The following SLC6A11 variants were observed in gnomAD, a reference collection of about 807,000 sequenced individuals.
SLC6A11 encodes solute carrier family 6 member 11.
A neutral mutation model predicts 74.8 loss-of-function variants in SLC6A11; 25 were observed. That is an observed-to-expected ratio of 0.33 (90% CI 0.24 to 0.47). The LOEUF (loss-of-function observed/expected upper bound fraction) is 0.47. Among genes scored for constraint, SLC6A11 ranks in the 20% least tolerant of loss-of-function variants. SLC6A11 has a pLI of 1.00. For synonymous variants in SLC6A11, 330 were observed against 330.2 expected, an observed-to-expected ratio of 1.00 and a Z score of 0.01; for missense variants, 574 against 837.0, an observed-to-expected ratio of 0.69 and a Z score of 3.88.
intron 5 of SLC6A11, among the ~76,000 whole-genome samples, chr3:10,846,248 A>G (rs753074218): frequency 1.5e-4 from 23 of 152,236 alleles, no homozygotes; most frequent in Non-Finnish European, 2.8e-4. Flanking sequence ...TCTAAAGATG[A>G]GTAAAACACA....
intron 6 of SLC6A11, among the ~76,000 whole-genome samples, chr3:10,887,376 A>C (rs189051249): frequency 7.4e-4 from 113 of 152,292 alleles, no homozygotes; most frequent in Non-Finnish European, 1.3e-3. Flanking sequence ...AGGAACATAG[A>C]CAATCAGAGA....
At chr3:10,904,195 A>G (rs533179388) in intron 6 of SLC6A11, among the ~76,000 whole-genome samples, 3 of 152,316 alleles carry the variant, frequency 2.0e-5, no homozygotes, top group Admixed American at 6.5e-5. Context: ...GTCCTTGTCC[A>G]TCCATCCTTT....
At chr3:10,861,081 T>C (rs565337975) in intron 5 of SLC6A11, among the ~76,000 whole-genome samples, 1 of 152,334 alleles carries the variant, frequency 6.6e-6, no homozygotes, top group East Asian at 1.9e-4. Flanking sequence ...GGAAGCAGTT[T>C]GGAAATCTGT....
At chr3:10,879,738 G>GT (rs1389090797) in intron 6 of SLC6A11, among the ~76,000 whole-genome samples, 2 of 152,040 alleles carry the variant, frequency 1.3e-5, no homozygotes, top group African/African-American at 2.4e-5. Context: ...CTATATATAT[G>GT]ATATGTATGA....
intron 6 of SLC6A11, among the ~76,000 whole-genome samples, chr3:10,877,577 C>T (rs114928077): frequency 0.013 from 2,049 of 152,288 alleles, 36 homozygotes; most frequent in African/African-American, 0.047. Flanking sequence ...AGCCACAACC[C>T]TCTGACTTCC....
chr3:10,914,780 C>T (rs1050854708), intron 7 of SLC6A11, among the ~76,000 whole-genome samples: 4 of 152,124 alleles, frequency 2.6e-5, no homozygotes, highest in East Asian at 1.9e-4. Context: ...TGCAGGCTTC[C>T]GGGCTGGGCC....
At chr3:10,844,402 G>T in intron 5 of SLC6A11, 56 bp downstream of exon 5, 1 of 1,608,808 alleles carries the variant, frequency 6.2e-7, no homozygotes, top group Admixed American at 1.7e-5. Flanking sequence ...CGAGCTCACA[G>T]ATGACCTAGA....
intron 13 of SLC6A11, among the ~76,000 whole-genome samples, chr3:10,937,537 G>C (rs1003379809): frequency 3.3e-5 from 5 of 152,246 alleles, no homozygotes; most frequent in East Asian, 1.9e-4. Context: ...GGGCCCCCCA[G>C]ATCCCAGCCT....
At chr3:10,908,459 C>T (rs896765373) in intron 6 of SLC6A11, among the ~76,000 whole-genome samples, 1 of 152,128 alleles carries the variant, frequency 6.6e-6, no homozygotes, top group Non-Finnish European at 1.5e-5. Context: ...GACTTTTCCC[C>T]ATAGAGGTAG....
chr3:10,822,716 A>G (rs1253896901), intron 3 of SLC6A11, among the ~76,000 whole-genome samples: 1 of 152,170 alleles, frequency 6.6e-6, no homozygotes, highest in Non-Finnish European at 1.5e-5. Context: ...AATTTCGTGA[A>G]ATGAGAAGAG....
chr3:10,898,753 G>C lies in SLC6A11; in HGVS notation c.892-13337G>C, dbSNP rs114942835. ...CTCTGAACTATTCCAGCCTCTGCCTGTTACCTATTTCCAAAGTCACTTCCA... is the reference window on the plus strand; with the variant it reads ...CTCTGAACTATTCCAGCCTCTGCCTCTTACCTATTTCCAAAGTCACTTCCA... On this transcript the variant is annotated intron_variant, in intron 6 of 13. Transcript: ENST00000254488. Among the ~76,000 whole-genome samples the C allele has an allele frequency of 5.2e-3, 797 of 152,296 alleles. 9 individuals are homozygous for C. The highest frequency in any genetic ancestry group is 0.018 in the African/African-American group (751 of 41,542).
At chr3:10,881,244 C>T (rs1170245657) in intron 6 of SLC6A11, among the ~76,000 whole-genome samples, 5 of 151,888 alleles carry the variant, frequency 3.3e-5, no homozygotes, top group African/African-American at 4.8e-5. Context: ...GGTGAAACTC[C>T]GTCTCTACTA....
intron 6 of SLC6A11, among the ~76,000 whole-genome samples, chr3:10,884,000 C>G (rs1181233048): frequency 6.6e-6 from 1 of 152,172 alleles, no homozygotes; most frequent in Non-Finnish European, 1.5e-5. Context: ...AAGGAAATGA[C>G]AGTCTCTTGA....
At chr3:10,871,821 G>A (rs1694831358) in intron 5 of SLC6A11, among the ~76,000 whole-genome samples, 1 of 152,170 alleles carries the variant, frequency 6.6e-6, no homozygotes, top group Non-Finnish European at 1.5e-5. Context: ...CGATTGAGCT[G>A]ATGGTTGATT....
intron 4 of SLC6A11, among the ~76,000 whole-genome samples, chr3:10,842,743 T>G (rs1305203176): frequency 6.6e-6 from 1 of 152,184 alleles, no homozygotes; most frequent in Non-Finnish European, 1.5e-5. Context: ...GTATTGTATT[T>G]AAGTGGATGT....
At chr3:10,904,481 C>T (rs1050336317) in intron 6 of SLC6A11, among the ~76,000 whole-genome samples, 3 of 152,228 alleles carry the variant, frequency 2.0e-5, no homozygotes, top group African/African-American at 7.2e-5. Context: ...GAACGCCCCC[C>T]ATTCATTGCT....
chr3:10,931,166 T>C (rs1201244400), intron 10 of SLC6A11, among the ~76,000 whole-genome samples: 1 of 152,220 alleles, frequency 6.6e-6, no homozygotes, highest in Admixed American at 6.5e-5. Context: ...AGCCCTTGAC[T>C]AGCTGGCTAG....
intron 6 of SLC6A11, among the ~76,000 whole-genome samples, chr3:10,878,311 G>A (rs1256717529): frequency 1.3e-5 from 2 of 149,878 alleles, no homozygotes. Context: ...CTACCCCAGG[G>A]CCTTCACATA....
rs754080078 is a variant in SLC6A11, at chr3:10,929,211, G to T, written c.1243G>T (p.Val415Leu). 1.9e-6 allele frequency: 3 copies of T among 1,614,088 alleles called. No individual in the cohort carries two copies. Among genetic ancestry groups the T allele is most frequent in the Non-Finnish European group, 2.5e-6 (3 of 1,179,972 alleles). Reference protein sequence around the residue: ...FLGLDSQFVCVESLVTAVVDM... With the variant: ...FLGLDSQFVCLESLVTAVVDM... ...ATATCTCCCCATCCAGTTTGTGTGT[G>T]TGGAAAGCCTGGTGACCGCCGTGGT... Residue 415 changes from valine (V) to leucine (L), a missense_variant, in exon 10 of 14, where the codon GTG becomes TTG. Val to Leu is a conservative substitution (Grantham distance 32, BLOSUM62 1). Transcript: ENST00000254488.
Sources: allele counts gnomAD v4.1 joint callset (sites outside exome capture counted in the v4.1 genomes callset), GRCh38; gene constraint gnomAD v4.1.1; transcripts MANE v1.5; gene names NCBI Gene and HGNC (gene_info 2026-07-23, HGNC 2026-07-21).